Variants in STXBP5L observed in about 807,000 individuals in gnomAD.
STXBP5L encodes the protein syntaxin-binding protein 5-like.
A neutral mutation model predicts 144.5 loss-of-function variants in STXBP5L; 65 were observed. The observed-to-expected ratio is 0.45, with a 90% CI of 0.37 to 0.55. The LOEUF (loss-of-function observed/expected upper bound fraction) is 0.55, where lower values mean the gene tolerates loss of function less well. Among genes scored for constraint, STXBP5L ranks in the 20% least tolerant of loss-of-function variants. The pLI, the probability that STXBP5L is intolerant of heterozygous loss-of-function variation, is 0.00. For missense variants in STXBP5L, 1,298 were observed against 1,405.5 expected (o/e 0.92, Z 1.22); for synonymous variants, 505 against 469.6 (o/e 1.08, Z -0.97).
chr3:121,005,281 A>T (rs1012796788), intron 3 of STXBP5L, among the ~76,000 whole-genome samples: 2 of 152,200 alleles, frequency 1.3e-5, no homozygotes, highest in Non-Finnish European at 2.9e-5. Context: ...TAGTCTTGAG[A>T]GGGTGTATGT....
At position 121,283,491 on chromosome 3, in the gene STXBP5L, C is replaced by T. The variant is rs534196184; in HGVS notation, c.2110+3535C>T. Among the ~76,000 whole-genome samples the T allele has an allele frequency of 9.9e-4, 150 of 152,088 alleles. 1 individual carries two copies. The Middle Eastern group carries it at 0.014, about 14-fold the overall frequency. ...GTATCTATGTTGGCTTCTGCTGCTC[C>T]TAAAACAGAAGCTTATTTGATACTA... On this transcript the variant is annotated intron_variant, in intron 19 of 26. Transcript: ENST00000471454.
intron 9 of STXBP5L, among the ~76,000 whole-genome samples, chr3:121,161,044 A>G (rs1301295393): frequency 6.6e-6 from 1 of 152,056 alleles, no homozygotes; most frequent in Non-Finnish European, 1.5e-5. Flanking sequence ...ATATTGTTAT[A>G]ATTTTTGCTT....
At chr3:121,106,984 G>A (rs970643791) in intron 5 of STXBP5L, among the ~76,000 whole-genome samples, 2 of 152,010 alleles carry the variant, frequency 1.3e-5, no homozygotes, top group African/African-American at 4.8e-5. Flanking sequence ...TTGCATTTCT[G>A]TAATGATCAG....
intron 5 of STXBP5L, among the ~76,000 whole-genome samples, chr3:121,091,850 C>T (rs2042817215): frequency 6.6e-6 from 1 of 152,086 alleles, no homozygotes; most frequent in South Asian, 2.1e-4. Flanking sequence ...AGTCCTTGCC[C>T]ATGCCTATGT....
At chr3:120,986,888 T>C (rs1204069750) in intron 3 of STXBP5L, among the ~76,000 whole-genome samples, 1 of 151,912 alleles carries the variant, frequency 6.6e-6, no homozygotes, top group Non-Finnish European at 1.5e-5. Flanking sequence ...TGAAAATTAT[T>C]GAGTCTAAAG....
chr3:120,965,915 A>G (rs114297381), intron 3 of STXBP5L, among the ~76,000 whole-genome samples: 19,820 of 152,168 alleles, frequency 0.13, 1,616 homozygotes, highest in Non-Finnish European at 0.19. Flanking sequence ...AGATACACCA[A>G]TCAAATGTAG....
chr3:121,197,575 T>C (rs1376403732), intron 9 of STXBP5L, among the ~76,000 whole-genome samples: 1 of 152,130 alleles, frequency 6.6e-6, no homozygotes, highest in African/African-American at 2.4e-5. Context: ...CCATGGTGTT[T>C]TGCTGCACCT....
chr3:121,293,087 G>T (rs2051506650), intron 19 of STXBP5L, among the ~76,000 whole-genome samples: 1 of 152,134 alleles, frequency 6.6e-6, no homozygotes, highest in South Asian at 2.1e-4. Context: ...TTAAGTAAAT[G>T]GATAAACAAA....
chr3:121,263,235 A>G (rs1258913904), intron 18 of STXBP5L, among the ~76,000 whole-genome samples: 1 of 152,216 alleles, frequency 6.6e-6, no homozygotes, highest in Admixed American at 6.5e-5. Flanking sequence ...GGACCTGACT[A>G]TTAAAAGGAA....
chr3:120,994,099 T>C (rs1273005986), intron 3 of STXBP5L, among the ~76,000 whole-genome samples: 1 of 152,060 alleles, frequency 6.6e-6, no homozygotes, highest in African/African-American at 2.4e-5. Context: ...TTTTTCATAA[T>C]TGATGTATAG....
At chr3:121,403,744 C>T (rs2046936289) in intron 22 of STXBP5L, among the ~76,000 whole-genome samples, 1 of 152,080 alleles carries the variant, frequency 6.6e-6, no homozygotes, top group Non-Finnish European at 1.5e-5. Context: ...AATTCTTGGT[C>T]ATTTCTCAGG....
At chr3:121,113,885 G>T (rs898600783) in intron 5 of STXBP5L, among the ~76,000 whole-genome samples, 4 of 151,862 alleles carry the variant, frequency 2.6e-5, no homozygotes, top group Non-Finnish European at 4.4e-5. Context: ...TGTTGGCCAG[G>T]ATGGTCTTGA....
intron 3 of STXBP5L, among the ~76,000 whole-genome samples, chr3:121,002,762 G>A (rs1244886239): frequency 7.0e-6 from 1 of 142,126 alleles, no homozygotes; most frequent in Admixed American, 7.6e-5. Context: ...GTGTCCATGT[G>A]TTCTCATTGT....
At chr3:121,325,204 CTG>C (rs1228040997) in intron 20 of STXBP5L, among the ~76,000 whole-genome samples, 7 of 152,036 alleles carry the variant, frequency 4.6e-5, no homozygotes, top group Non-Finnish European at 1.0e-4. Flanking sequence ...CGCAAAATGA[CTG>C]TGGCCAGTTT....
At chr3:121,024,780 T>G (rs1945808023) in intron 3 of STXBP5L, among the ~76,000 whole-genome samples, 1 of 152,106 alleles carries the variant, frequency 6.6e-6, no homozygotes, top group African/African-American at 2.4e-5. Flanking sequence ...TAAACACAAG[T>G]ATATAGATTT....
At chr3:121,029,683 G>T (rs1172483195) in intron 3 of STXBP5L, among the ~76,000 whole-genome samples, 1 of 152,030 alleles carries the variant, frequency 6.6e-6, no homozygotes, top group Non-Finnish European at 1.5e-5. Context: ...TGACAAATGG[G>T]ATCTAATTAA....
chr3:121,122,217 T>A (rs945883580), intron 7 of STXBP5L, among the ~76,000 whole-genome samples: 10 of 149,182 alleles, frequency 6.7e-5, no homozygotes, highest in African/African-American at 2.2e-4. Flanking sequence ...TAGATATTTT[T>A]AATATTAATT....
At chr3:121,364,826 C>A (rs2045818327) in intron 20 of STXBP5L, among the ~76,000 whole-genome samples, 1 of 151,772 alleles carries the variant, frequency 6.6e-6, no homozygotes, top group African/African-American at 2.4e-5. Context: ...TTTATTAGCT[C>A]TAACAGTTTT....
intron 22 of STXBP5L, among the ~76,000 whole-genome samples, chr3:121,388,681 G>A (rs1432802021): frequency 6.6e-6 from 1 of 152,144 alleles, no homozygotes; most frequent in Non-Finnish European, 1.5e-5. Context: ...TTCTGTTTAT[G>A]TGATGGGTAC....
Sources: gnomAD v4.1 joint callset for allele counts (sites outside exome capture counted in the v4.1 genomes callset) on GRCh38, gnomAD v4.1.1 for gene constraint, MANE v1.5 for transcripts, NCBI Gene and HGNC (gene_info 2026-07-23, HGNC 2026-07-21) for gene names.